Variants in TANK observed in about 807,000 individuals in gnomAD.
TANK encodes the protein TRAF family member-associated NF-kappa-B activator.
Under a neutral mutation model 43.6 loss-of-function variants are expected in TANK, and 15 were observed. The ratio of observed to expected loss-of-function variants is 0.34; its 90% confidence interval spans 0.23 to 0.53. The LOEUF is 0.53. Among genes scored for constraint, TANK ranks in the 20% least tolerant of loss-of-function variants. The probability of loss-of-function intolerance (pLI) is 0.94; values close to 1 mark genes in which losing one functional copy is unlikely to be tolerated. For missense variants in TANK, 417 were observed against 498.6 expected, an observed-to-expected ratio of 0.84 and a Z score of 1.56; for synonymous variants, 162 against 178.2, an observed-to-expected ratio of 0.91 and a Z score of 0.73.
At chr2:161,183,864 TAAATC>T (rs1176366733) in intron 2 of TANK, among the ~76,000 whole-genome samples, 4 of 151,918 alleles carry the variant, frequency 2.6e-5, no homozygotes, top group Non-Finnish European at 5.9e-5. Flanking sequence ...AAAGTTCAAA[TAAATC>T]ATAAATAAAA....
chr2:161,207,820 A>G, intron 4 of TANK: 1 of 985,424 alleles, frequency 1.0e-6, no homozygotes, highest in Non-Finnish European at 1.2e-6. Flanking sequence ...CAGTTTTTTA[A>G]AAGTATGCAC....
chr2:161,171,386 A>T (rs1230640916), intron 1 of TANK, among the ~76,000 whole-genome samples: 2 of 152,154 alleles, frequency 1.3e-5, no homozygotes, highest in Non-Finnish European at 2.9e-5. Flanking sequence ...CTGAAACCTT[A>T]TTTATTTTTT....
At chr2:161,233,699 T>C (rs1033404008) in intron 7 of TANK, among the ~76,000 whole-genome samples, 10 of 152,062 alleles carry the variant, frequency 6.6e-5, no homozygotes, top group Admixed American at 6.5e-4. Context: ...ATGGATTTAA[T>C]AGGTAAATTG....
At chr2:161,180,397 C>T (rs1685366208) in intron 2 of TANK, among the ~76,000 whole-genome samples, 1 of 152,086 alleles carries the variant, frequency 6.6e-6, no homozygotes, top group Admixed American at 6.6e-5. Context: ...TTCTTAAGCA[C>T]ATGTCTGTTA....
chr2:161,148,076 T>A (rs1273614796), intron 1 of TANK, among the ~76,000 whole-genome samples: 1 of 152,210 alleles, frequency 6.6e-6, no homozygotes, highest in Non-Finnish European at 1.5e-5. Flanking sequence ...TAATTCTATG[T>A]TTAGCATTTT....
chr2:161,193,098 G>A (rs1196193773), intron 2 of TANK, among the ~76,000 whole-genome samples: 1 of 152,110 alleles, frequency 6.6e-6, no homozygotes, highest in Non-Finnish European at 1.5e-5. Flanking sequence ...AATTTATCAT[G>A]TGCCAGGGAC....
intron 1 of TANK, chr2:161,161,081 C>T (rs1265897476): frequency 4.5e-5 from 39 of 869,650 alleles, no homozygotes; most frequent in Non-Finnish European, 5.0e-6. Context: ...CCAACCCCGC[C>T]CACAGTGGGA....
rs1396021614 is a variant in TANK at position 161,178,213 on chromosome 2, G to A, written c.-49-1401G>A. On this transcript the variant is annotated intron_variant, in intron 1 of 7. Transcript: ENST00000392749. ...TTCACACAAAAATGTATACACAAAT[G>A]TGCACAGTAGCTTTATTCATAACAG... 3.3e-5 allele frequency among the ~76,000 whole-genome samples: 5 copies of A among 152,046 alleles called. No individual in the cohort carries two copies. The East Asian group carries it at 7.7e-4, about 23-fold the overall frequency.
rs371261292 is a variant in TANK at position 161,204,728 on chromosome 2, A to G, written c.262A>G (p.Asn88Asp). 1.9e-6 allele frequency: 3 copies of G among 1,608,836 alleles called. No individual in the cohort carries two copies. Among genetic ancestry groups the G allele is most frequent in the African/African-American group, 2.7e-5 (2 of 74,338 alleles). ...LLEDSETRKNNLTLDQPQDKV... is the reference protein window; with the variant it reads ...LLEDSETRKNDLTLDQPQDKV... The stretch of plus-strand genomic sequence containing the variant: ...TGAAGACAGTGAAACAAGAAAGAAT[A>G]ATTTGACTCTTGATCAGCCACAAGA... The change falls in exon 4 of 8, where the codon AAT becomes GAT. Residue 88 changes from asparagine to aspartate, a missense_variant. Coordinates refer to ENST00000392749, the MANE Select transcript of TANK (RefSeq NM_001199135.3).
At chr2:161,233,892 TCTAA>T (rs1688046663) in intron 7 of TANK, among the ~76,000 whole-genome samples, 1 of 152,182 alleles carries the variant, frequency 6.6e-6, no homozygotes, top group Non-Finnish European at 1.5e-5. Context: ...TCAAGTTAAC[TCTAA>T]CTAGATTTTT....
chr2:161,205,941 T>G (rs954386203), intron 4 of TANK, among the ~76,000 whole-genome samples: 1 of 152,168 alleles, frequency 6.6e-6, no homozygotes, highest in African/African-American at 2.4e-5. Context: ...GCGTGGCTAA[T>G]TAGGATACTT....
intron 4 of TANK, among the ~76,000 whole-genome samples, chr2:161,216,227 A>G (rs1267034): frequency 0.1 from 15,905 of 152,210 alleles, 890 homozygotes; most frequent in Non-Finnish European, 0.13. Context: ...TATCTTAATA[A>G]TATTATAGGG....
chr2:161,236,223 A>AC lies in TANK; in HGVS notation c.*705_*706insC, dbSNP rs1688165849. 1 of 151,456 alleles carries AC rather than the reference A, an allele frequency of 6.6e-6. No homozygotes were observed. Among genetic ancestry groups the AC allele is most frequent in the African/African-American group, 2.4e-5 (1 of 41,216 alleles). 9.4% of individuals were successfully genotyped at this position (151,456 alleles called of 1,614,324 possible). On this transcript the variant is annotated 3_prime_UTR_variant, in exon 8 of 8. Coordinates refer to ENST00000392749, the MANE Select transcript of TANK (RefSeq NM_001199135.3). ...CTTTGTTCCTGAGTAAAAAAAAAAA[A>AC]AAAAAAAGGGAAGGAAGGAATCACA...
rs774311666 is a variant in TANK at position 161,231,393 on chromosome 2, G to A, written c.943G>A (p.Val315Ile). The A allele has an allele frequency of 6.2e-6, 10 of 1,613,930 alleles. No individual in the cohort carries two copies. The highest frequency in any genetic ancestry group is 2.2e-5 in the East Asian group (1 of 44,896). ...TGACAAAACAAAGCCCTCAAATCTC[G>A]TAAACACTTGTATCAGGACAACTCT... ...TTDKTKPSNL[V>I]NTCIRTTLDR... is the part of the protein sequence containing the mutation. The change falls in exon 7 of 8, where the codon GTA (valine) becomes ATA (isoleucine). Residue 315 changes from valine to isoleucine, a missense_variant. By Grantham distance (29) the Val-to-Ile change is conservative (BLOSUM62 3). Coordinates refer to ENST00000392749, the MANE Select transcript of TANK (RefSeq NM_001199135.3).
intron 1 of TANK, chr2:161,139,938 T>C: frequency 8.3e-6 from 8 of 968,808 alleles, no homozygotes; most frequent in Non-Finnish European, 9.8e-6. Context: ...TATATCCAAC[T>C]TATATTAAGA....
intron 1 of TANK, among the ~76,000 whole-genome samples, chr2:161,171,367 C>T (rs760817811): frequency 1.3e-5 from 2 of 152,112 alleles, no homozygotes; most frequent in African/African-American, 2.4e-5. Flanking sequence ...AATGGAGATC[C>T]GGAAATCTCT....
At chr2:161,234,057 T>C (rs1314220609) in intron 7 of TANK, among the ~76,000 whole-genome samples, 1 of 152,212 alleles carries the variant, frequency 6.6e-6, no homozygotes, top group Non-Finnish European at 1.5e-5. Context: ...AGCATTATTA[T>C]AAGTCCTCCA....
intron 1 of TANK, among the ~76,000 whole-genome samples, chr2:161,166,740 T>G (rs2105263138): frequency 6.6e-6 from 1 of 151,924 alleles, no homozygotes; most frequent in South Asian, 2.1e-4. Flanking sequence ...GGGCTATGAT[T>G]GCACCGCCAC....
chr2:161,150,875 G>A (rs1365576690), intron 1 of TANK, among the ~76,000 whole-genome samples: 2 of 152,116 alleles, frequency 1.3e-5, no homozygotes, highest in African/African-American at 4.8e-5. Flanking sequence ...ACAGGCGTGA[G>A]CCAGCATGCC....
Sources: allele counts gnomAD v4.1 joint callset (sites outside exome capture counted in the v4.1 genomes callset), GRCh38; gene constraint gnomAD v4.1.1; transcripts MANE v1.5; gene names NCBI Gene and HGNC (gene_info 2026-07-23, HGNC 2026-07-21).